TLL2: variants seen among roughly 807,000 people sequenced by gnomAD.
The protein encoded by TLL2 is tolloid-like protein 2.
TLL2 carries 106 observed loss-of-function variants against 123.0 expected under a neutral mutation model. The ratio of observed to expected loss-of-function variants is 0.86; its 90% CI spans 0.74 to 1.01. The LOEUF is 1.01. Among genes scored for constraint, TLL2 ranks in the 50% least tolerant of loss-of-function variants. The pLI is 0.00. For missense variants in TLL2, 1,332 were observed against 1,336.7 expected, an observed-to-expected ratio of 1.00 and a Z score of 0.06; for synonymous variants, 494 against 516.8, an observed-to-expected ratio of 0.96 and a Z score of 0.60.
chr10:96,495,950 T>A (rs1194228322), intron 1 of TLL2, among the ~76,000 whole-genome samples: 1 of 152,194 alleles, frequency 6.6e-6, no homozygotes, highest in East Asian at 1.9e-4. Flanking sequence ...CATTGAAGAC[T>A]TGGAAAACTT....
intron 10 of TLL2, among the ~76,000 whole-genome samples, chr10:96,402,116 T>G (rs1010633879): frequency 6.6e-6 from 1 of 152,340 alleles, no homozygotes; most frequent in Admixed American, 6.5e-5. Context: ...TCCGATGTTC[T>G]CACGAAACTC....
At chr10:96,387,820 C>T (rs1340356030) in intron 13 of TLL2, among the ~76,000 whole-genome samples, 5 of 152,088 alleles carry the variant, frequency 3.3e-5, no homozygotes, top group African/African-American at 4.8e-5. Context: ...ATTAGAGACA[C>T]TCCCCAGACA....
At chr10:96,474,207 C>T (rs11598691) in intron 2 of TLL2, among the ~76,000 whole-genome samples, 23,996 of 152,140 alleles carry the variant, frequency 0.16, 2,271 homozygotes, top group East Asian at 0.29. Flanking sequence ...TTCTTGCCGC[C>T]TTGCCCCCAC....
intron 16 of TLL2, among the ~76,000 whole-genome samples, chr10:96,380,003 G>A (rs563483929): frequency 3.9e-5 from 6 of 152,330 alleles, no homozygotes; most frequent in African/African-American, 7.2e-5. Context: ...CAGCCCTACC[G>A]CACCACTTCC....
At position 96,460,438 on chromosome 10, in the gene TLL2, A is replaced by G. The variant is rs1158682886; in HGVS notation, c.287-14270T>C. ...GTCCTCATGAATGGGCTCATGCCTG[A>G]TATGGTTTGGCTTTGTGTCCCTTCC... On this transcript the variant is annotated intron_variant, in intron 2 of 20. Coordinates refer to ENST00000357947, the MANE Select transcript of TLL2 (RefSeq NM_012465.4). Among the ~76,000 whole-genome samples the G allele has an allele frequency of 1.3e-5, 2 of 152,178 alleles. 1 individual carries two copies. Among genetic ancestry groups the G allele is most frequent in the Non-Finnish European group, 2.9e-5 (2 of 68,012 alleles).
chr10:96,406,392 A>C (rs1846450109), intron 9 of TLL2, among the ~76,000 whole-genome samples: 1 of 150,330 alleles, frequency 6.7e-6, no homozygotes, highest in Non-Finnish European at 1.5e-5. Context: ...TCACGTCTCC[A>C]CTCTTCCTCA....
chr10:96,386,284 A>T (rs779837946), intron 14 of TLL2, 69 bp from the exon 15 acceptor site: 48 of 1,416,684 alleles, frequency 3.4e-5, no homozygotes, highest in Admixed American at 2.4e-5. Context: ...TCCCACCAGG[A>T]GCAATAGAGC....
intron 18 of TLL2, among the ~76,000 whole-genome samples, chr10:96,375,158 G>C (rs759784955): frequency 6.6e-6 from 1 of 152,146 alleles, no homozygotes. Context: ...TAGAGACACG[G>C]GACAGGGGAG....
At chr10:96,477,452 G>A (rs1257907270) in intron 2 of TLL2, among the ~76,000 whole-genome samples, 2 of 151,464 alleles carry the variant, frequency 1.3e-5, no homozygotes, top group African/African-American at 2.4e-5. Flanking sequence ...AGGCTCAAGC[G>A]ATCCTCCCAC....
At chr10:96,495,395 G>GT (rs776375519) in intron 1 of TLL2, among the ~76,000 whole-genome samples, 5 of 152,134 alleles carry the variant, frequency 3.3e-5, no homozygotes, top group East Asian at 1.9e-4. Context: ...AACAGGGAGG[G>GT]TTTTTTTAGT....
intron 2 of TLL2, among the ~76,000 whole-genome samples, chr10:96,476,241 T>TATATATATATATATATATATATC (rs1554939631): frequency 1.4e-5 from 1 of 72,406 alleles, no homozygotes; most frequent in Non-Finnish European, 2.7e-5. Flanking sequence ...TATATATATA[T>TATATATATATATATATATATATC]TTTATTTTTG....
intron 11 of TLL2, 89 bp from the exon 12 acceptor site, chr10:96,396,109 C>A (rs1187382237): frequency 3.3e-6 from 5 of 1,506,084 alleles, no homozygotes; most frequent in Non-Finnish European, 4.5e-6. Flanking sequence ...GGGAACAGCG[C>A]TTGCCACCAC....
At chr10:96,384,126 G>T (rs1167981457) in intron 16 of TLL2, among the ~76,000 whole-genome samples, 1 of 152,104 alleles carries the variant, frequency 6.6e-6, no homozygotes, top group Non-Finnish European at 1.5e-5. Flanking sequence ...TCTAGGAAAA[G>T]GAGGGGACAC....
intron 15 of TLL2, 107 bp from the exon 16 acceptor site, chr10:96,384,874 C>T (rs1017436015): frequency 6.4e-5 from 73 of 1,145,224 alleles, no homozygotes; most frequent in Non-Finnish European, 7.9e-5. Context: ...CCGTGTGTGG[C>T]GGGGGAGGGT....
chr10:96,506,196 G>A (rs1462502268), intron 1 of TLL2, among the ~76,000 whole-genome samples: 2 of 133,800 alleles, frequency 1.5e-5, no homozygotes, highest in African/African-American at 2.8e-5. Context: ...AGGTTGTAGC[G>A]AGCTGAGATC....
chr10:96,460,950 C>A (rs555500520), intron 2 of TLL2, among the ~76,000 whole-genome samples: 2 of 152,160 alleles, frequency 1.3e-5, no homozygotes, highest in African/African-American at 2.4e-5. Context: ...CTTGGACTTC[C>A]CAGCCTCCAG....
chr10:96,460,888 A>G (rs1190922498), intron 2 of TLL2, among the ~76,000 whole-genome samples: 1 of 152,214 alleles, frequency 6.6e-6, no homozygotes, highest in Non-Finnish European at 1.5e-5. Flanking sequence ...GATACCATCT[A>G]TGAACCAGGA....
Position 96,502,692 on chromosome 10 carries a change from G to A in TLL2, c.175+10819C>T, listed in dbSNP as rs146327703. ...CCCTGACTCCACAGGGAGGAGAGGC[G>A]ACCCTGCGACCTGAAAAAGAGTTAA... On this transcript the variant is annotated intron_variant, in intron 1 of 20. Coordinates refer to ENST00000357947, the MANE Select transcript of TLL2 (RefSeq NM_012465.4). 3.2e-4 allele frequency among the ~76,000 whole-genome samples: 46 copies of A among 143,296 alleles called. No individual in the cohort carries two copies. In the East Asian group the frequency reaches 6.9e-3, roughly 22 times the overall value. 94.0% of individuals were successfully genotyped at this position (143,296 alleles called of 152,430 possible).
intron 3 of TLL2, among the ~76,000 whole-genome samples, chr10:96,439,863 T>C (rs915717434): frequency 7.2e-5 from 11 of 152,230 alleles, no homozygotes; most frequent in South Asian, 2.1e-4. Context: ...TGGACACTTT[T>C]GGCCCACACT....
Sources: gnomAD v4.1 joint callset for allele counts (sites outside exome capture counted in the v4.1 genomes callset) on GRCh38, gnomAD v4.1.1 for gene constraint, MANE v1.5 for transcripts, NCBI Gene and HGNC (gene_info 2026-07-23, HGNC 2026-07-21) for gene names.